Variants in XKRX observed in about 807,000 individuals in gnomAD.
The protein encoded by XKRX is XK related X-linked, also known as XK-related protein 2.
Under a neutral mutation model 22.4 loss-of-function variants are expected in XKRX, and 11 were observed. That is an observed-to-expected ratio of 0.49 (90% CI 0.31 to 0.81). XKRX has a LOEUF of 0.81. Among genes scored for constraint, XKRX ranks in the 40% least tolerant of loss-of-function variants. XKRX has a pLI of 0.05. For synonymous variants in XKRX, 114 were observed against 132.2 expected, an observed-to-expected ratio of 0.86 and a Z score of 0.94; for missense variants, 320 against 336.5, an observed-to-expected ratio of 0.95 and a Z score of 0.38.
At chrX:100,912,072 T>C (rs2085408983), downstream of XKRX, among the ~76,000 whole-genome samples, 1 of 111,939 alleles carries the variant, frequency 8.9e-6, no homozygotes, top group Admixed American at 9.6e-5. Context: ...ACTCCTTAAG[T>C]AGCTGATTCA....
the XKRX span, among the ~76,000 whole-genome samples, chrX:100,945,289 C>CACAT: frequency 0.092 from 9,031 of 98,392 alleles, 510 homozygotes; most frequent in South Asian, 0.15. Flanking sequence ...CACACACACA[C>CACAT]AGTTTATTTT....
the XKRX span, among the ~76,000 whole-genome samples, chrX:100,906,449 C>T: frequency 1.8e-5 from 2 of 111,597 alleles, no homozygotes; most frequent in Non-Finnish European, 3.8e-5. Flanking sequence ...TTTAGGTGGA[C>T]AGAAAACAAT....
At chrX:100,950,284 C>T in the XKRX span, among the ~76,000 whole-genome samples, 1 of 111,791 alleles carries the variant, frequency 8.9e-6, no homozygotes, top group Non-Finnish European at 1.9e-5. Context: ...ATGTATAATG[C>T]AATAATTAGA....
At chrX:100,902,328 T>C in the XKRX span, among the ~76,000 whole-genome samples, 4 of 111,639 alleles carry the variant, frequency 3.6e-5, no homozygotes, top group Non-Finnish European at 7.5e-5. Flanking sequence ...AAATGAAAGA[T>C]ATAAAATGAT....
At chrX:100,942,910 C>T in the XKRX span, among the ~76,000 whole-genome samples, 1 of 111,340 alleles carries the variant, frequency 9.0e-6, no homozygotes, top group Non-Finnish European at 1.9e-5. Flanking sequence ...CAACCTTGCC[C>T]CCTGCCTTCA....
intron 2 of XKRX, 130 bp downstream of exon 2, chrX:100,922,663 T>C: frequency 1.4e-6 from 1 of 693,465 alleles, no homozygotes; most frequent in Non-Finnish European, 2.1e-6. Context: ...AATGAACAAG[T>C]TTTTAATTTT....
At chrX:100,888,004 C>A in the XKRX span, 4 of 1,081,951 alleles carry the variant, frequency 3.7e-6, no homozygotes, top group Non-Finnish European at 3.8e-6. Flanking sequence ...TTTCCAGAAC[C>A]ACTTTGACCT....
At chrX:100,902,863 GC>G in the XKRX span, among the ~76,000 whole-genome samples, 2 of 108,775 alleles carry the variant, frequency 1.8e-5, no homozygotes, top group Non-Finnish European at 3.8e-5. Flanking sequence ...CCATTCTCCT[GC>G]CTCAGCCTCC....
chrX:100,948,683 T>C, the XKRX span, among the ~76,000 whole-genome samples: 1 of 112,976 alleles, frequency 8.9e-6, no homozygotes, highest in African/African-American at 3.2e-5. Context: ...CCCCCTTCCC[T>C]GTGGTGTCAG....
At chrX:100,954,609 T>C in the XKRX span, among the ~76,000 whole-genome samples, 3 of 111,844 alleles carry the variant, frequency 2.7e-5, no homozygotes, top group African/African-American at 9.7e-5. Flanking sequence ...AAAAAACTTG[T>C]ACATGGATAT....
chrX:100,954,422 A>C, the XKRX span, among the ~76,000 whole-genome samples: 23 of 111,061 alleles, frequency 2.1e-4, no homozygotes, highest in African/African-American at 7.5e-4. Context: ...CTGTCTCAAA[A>C]AAAAAAAAAA....
intron 1 of XKRX, among the ~76,000 whole-genome samples, chrX:100,924,317 C>T (rs2085489709): frequency 9.0e-6 from 1 of 111,629 alleles, no homozygotes; most frequent in Non-Finnish European, 1.9e-5. Flanking sequence ...ACTAGGCCCT[C>T]GAAAGATCAC....
chrX:100,894,919 A>T, the XKRX span, among the ~76,000 whole-genome samples: 1 of 112,400 alleles, frequency 8.9e-6, no homozygotes, highest in Non-Finnish European at 1.9e-5. Context: ...ATCCTGGGGT[A>T]TAATTACTTC....
At chrX:100,897,659 G>A in the XKRX span, among the ~76,000 whole-genome samples, 24 of 53,514 alleles carry the variant, frequency 4.5e-4, no homozygotes, top group African/African-American at 1.6e-3. Context: ...TCTTTCTACC[G>A]AAAAGCCCAG....
chrX:100,956,847 C>A, the XKRX span: 2 of 698,602 alleles, frequency 2.9e-6, no homozygotes, highest in South Asian at 2.2e-5. Flanking sequence ...ATTTTGGTAA[C>A]GAAGGACTGT....
At position 100,928,232 on chromosome X, in the gene XKRX, G is replaced by A; in HGVS notation, c.73C>T (p.Arg25Cys). The A allele has an allele frequency of 8.3e-7, 1 of 1,211,797 alleles. No homozygotes were observed. Among genetic ancestry groups the A allele is most frequent in the Non-Finnish European group, 1.1e-6 (1 of 895,536 alleles). ...AAAGTAAATCGGGGGTTGGCTCCAC[G>A]GATGACATCTTCCTCCAGAGATGAA... ...PVSSLEEDVI[R>C]GANPRFTFPF... is the part of the protein sequence containing the mutation. The change falls in exon 1 of 3, where the codon CGT (arginine) becomes TGT (cysteine). Residue 25 changes from arginine to cysteine, a missense_variant. Transcript: ENST00000372956.
At chrX:100,955,541 C>T in the XKRX span, among the ~76,000 whole-genome samples, 1 of 104,578 alleles carries the variant, frequency 9.6e-6, no homozygotes, top group African/African-American at 3.4e-5. Flanking sequence ...GGCATGGTGG[C>T]GGGCACCTAT....
the XKRX span, among the ~76,000 whole-genome samples, chrX:100,900,820 T>G: frequency 2.4e-4 from 24 of 100,653 alleles, no homozygotes; most frequent in African/African-American, 8.5e-4. Flanking sequence ...GACAGAGTCT[T>G]GTTCTGTCGC....
chrX:100,894,083 A>G, the XKRX span, among the ~76,000 whole-genome samples: 60 of 111,875 alleles, frequency 5.4e-4, no homozygotes, highest in Non-Finnish European at 1.0e-3. Context: ...CCTGACCAAC[A>G]TGGTGAAACC....
Sources: gnomAD v4.1 joint callset for allele counts (sites outside exome capture counted in the v4.1 genomes callset) on GRCh38, gnomAD v4.1.1 for gene constraint, MANE v1.5 for transcripts, NCBI Gene and HGNC (gene_info 2026-07-23, HGNC 2026-07-21) for gene names.